TMEM62: variants seen among roughly 807,000 people sequenced by gnomAD.
TMEM62 encodes transmembrane protein 62.
Under a neutral mutation model 70.4 loss-of-function variants are expected in TMEM62, and 41 were observed. The observed-to-expected ratio is 0.58, with a 90% confidence interval of 0.45 to 0.76. TMEM62 has a LOEUF of 0.76. Among genes scored for constraint, TMEM62 ranks in the 30% least tolerant of loss-of-function variants. The pLI, the probability that TMEM62 is intolerant of heterozygous loss-of-function variation, is 0.00. For missense variants in TMEM62, 688 were observed against 788.5 expected (o/e 0.87, Z 1.53); for synonymous variants, 268 against 291.0 (o/e 0.92, Z 0.80).
At chr15:43,146,866 A>G (rs1567189626) in intron 5 of TMEM62, among the ~76,000 whole-genome samples, 1 of 152,188 alleles carries the variant, frequency 6.6e-6, no homozygotes, top group East Asian at 1.9e-4. Flanking sequence ...TGGAGTAAAC[A>G]TTTATTAAAT....
Position 43,184,635 on chromosome 15 carries a change from C to A in TMEM62, c.*49C>A. 1 of 1,552,590 alleles carries A rather than the reference C, an allele frequency of 6.4e-7. No homozygotes were observed. Among genetic ancestry groups the A allele is most frequent in the South Asian group, 1.1e-5 (1 of 87,814 alleles). On this transcript the variant is annotated 3_prime_UTR_variant, in exon 14 of 14. Coordinates refer to ENST00000260403, the MANE Select transcript of TMEM62 (RefSeq NM_024956.4). ...CTGGGCAGAAGCCCAGCCTCTGTGT[C>A]TGTAGCCCAGGCCTCTACCCCAGTA... is the stretch of plus-strand genomic sequence containing the variant.
intron 4 of TMEM62, among the ~76,000 whole-genome samples, chr15:43,144,211 T>C (rs2036408579): frequency 6.6e-6 from 1 of 152,130 alleles, no homozygotes; most frequent in South Asian, 2.1e-4. Flanking sequence ...AAAAGATAGG[T>C]ATGAAGAGAT....
intron 11 of TMEM62, 97 bp from the exon 12 acceptor site, chr15:43,178,510 T>C (rs994860765): frequency 1.4e-6 from 1 of 705,390 alleles, no homozygotes; most frequent in African/African-American, 1.8e-5. Flanking sequence ...ATTTGCTGAA[T>C]ATATGGTAGA....
intron 13 of TMEM62, 156 bp from the exon 14 acceptor site, chr15:43,184,104 C>A (rs1005848297): frequency 2.2e-5 from 14 of 646,958 alleles, no homozygotes; most frequent in Non-Finnish European, 3.5e-5. Context: ...CAACTAGCCA[C>A]AAGTCAGCTG....
chr15:43,139,038 A>C (rs188865734), intron 4 of TMEM62, among the ~76,000 whole-genome samples: 1 of 152,030 alleles, frequency 6.6e-6, no homozygotes, highest in East Asian at 1.9e-4. Flanking sequence ...CATTTTTTCA[A>C]ATTGAGAGTT....
At position 43,160,886 on chromosome 15, in the gene TMEM62, T is replaced by C. The variant is rs1200644036; in HGVS notation, c.1296+92T>C. The C allele has an allele frequency of 4.9e-6, 3 of 618,342 alleles. No individual in the cohort carries two copies. The African/African-American group carries it at 5.7e-5, about 12-fold the overall frequency. The allele number at this position is 618,342 out of a possible 1,614,324, so 38.3% of individuals were successfully genotyped here. A position where few individuals can be genotyped will look rare whatever the true frequency, so the allele number is the denominator to read the frequency against. ...CCCTTATCCATGATTTCACTTTCCA[T>C]GGTTTCAGTTACCGAAGGTCATCCA... On this transcript the variant is annotated intron_variant, in intron 10 of 13. Transcript: ENST00000260403.
intron 12 of TMEM62, chr15:43,180,668 T>C (rs781224240): frequency 6.6e-6 from 1 of 152,294 alleles, no homozygotes. Context: ...ACCGTGATTA[T>C]GTAGTTGATA....
At chr15:43,169,720 A>G (rs754828500) in intron 11 of TMEM62, 43 bp downstream of exon 11, 1 of 1,518,108 alleles carries the variant, frequency 6.6e-7, no homozygotes, top group East Asian at 2.3e-5. Flanking sequence ...TTGTTCATGG[A>G]AAAAACCAAA....
intron 11 of TMEM62, among the ~76,000 whole-genome samples, chr15:43,170,080 AC>A (rs1401938952): frequency 6.6e-6 from 1 of 152,246 alleles, no homozygotes; most frequent in African/African-American, 2.4e-5. Flanking sequence ...TAGGTCAGCC[AC>A]AATATACTGG....
intron 3 of TMEM62, among the ~76,000 whole-genome samples, chr15:43,136,720 G>C (rs2035272611): frequency 6.6e-6 from 1 of 151,804 alleles, no homozygotes; most frequent in African/African-American, 2.4e-5. Context: ...GCCTTCTAAA[G>C]TGGTGGGATT....
upstream of TMEM62, chr15:43,133,529 T>A (rs2034681809): frequency 3.1e-6 from 1 of 321,958 alleles, no homozygotes; most frequent in Non-Finnish European, 5.7e-6. Flanking sequence ...TCATTGGTGT[T>A]CAGAGTTTCG....
chr15:43,140,252 G>C (rs1044548946), intron 4 of TMEM62, among the ~76,000 whole-genome samples: 1 of 152,208 alleles, frequency 6.6e-6, no homozygotes, highest in Non-Finnish European at 1.5e-5. Context: ...GGCTGTAACT[G>C]TCTTCCTATT....
At chr15:43,169,816 G>A in intron 11 of TMEM62, 139 bp downstream of exon 11, 1 of 661,972 alleles carries the variant, frequency 1.5e-6, no homozygotes, top group Non-Finnish European at 2.5e-6. Flanking sequence ...GAAGCCTTGA[G>A]TAAATGGTCC....
rs752647496 is a variant in TMEM62 at position 43,134,269 on chromosome 15, C to G, written c.193C>G (p.His65Asp). Reference protein sequence around the residue: ...IFWGLQISDIHLSRFRDPGRA... With the variant: ...IFWGLQISDIDLSRFRDPGRA... ...CTGTTTTCGGCAGATATCCGACATT[C>G]ACCTGAGCAGGTTTCGAGATCCAGG... Residue 65 changes from histidine to aspartate, a missense_variant, in exon 2 of 14, where the codon CAC (histidine) becomes GAC (aspartate). Transcript: ENST00000260403. 5 of 1,614,028 alleles carry G rather than the reference C, an allele frequency of 3.1e-6. No individual in the cohort carries two copies. The highest frequency in any genetic ancestry group is 4.2e-6 in the Non-Finnish European group (5 of 1,179,994).
intron 11 of TMEM62, among the ~76,000 whole-genome samples, chr15:43,174,075 G>T (rs2040490253): frequency 6.6e-6 from 1 of 151,796 alleles, no homozygotes. Context: ...TGTTGGCCAG[G>T]CTGGTCTCAA....
In TMEM62 at chr15:43,133,929, A is replaced by T; in HGVS notation, c.127A>T (p.Arg43Trp). 1 of 1,488,354 alleles carries T rather than the reference A, an allele frequency of 6.7e-7. No homozygotes were observed. The highest frequency in any genetic ancestry group is 8.9e-7 in the Non-Finnish European group (1 of 1,127,186). 92.2% of individuals were successfully genotyped at this position (1,488,354 alleles called of 1,614,324 possible). A position where few individuals can be genotyped will look rare whatever the true frequency, so the allele number is the denominator to read the frequency against. Residue 43 changes from arginine (R) to tryptophan (W), a missense_variant, in exon 1 of 14, where the codon AGG becomes TGG. Physicochemically the swap from Arg to Trp is moderately radical, Grantham distance 101. Coordinates refer to ENST00000260403, the MANE Select transcript of TMEM62 (RefSeq NM_024956.4). ...SPLPRPAPPR[R>W]PHPAPGPGDS... is the part of the protein sequence containing the mutation. ...GCTGCCGCGCCCCGCGCCCCCCAGG[A>T]GGCCGCACCCTGCGCCAGGGCCCGG... is the stretch of plus-strand genomic sequence containing the variant.
intron 4 of TMEM62, 115 bp from the exon 5 acceptor site, chr15:43,146,378 T>C: frequency 1.0e-6 from 1 of 985,898 alleles, no homozygotes; most frequent in South Asian, 1.9e-5. Flanking sequence ...AGTATATTTC[T>C]GTCAGATCAG....
At chr15:43,174,640 G>C (rs572495716) in intron 11 of TMEM62, among the ~76,000 whole-genome samples, 3 of 152,250 alleles carry the variant, frequency 2.0e-5, no homozygotes, top group African/African-American at 7.2e-5. Flanking sequence ...TTAAAGATTA[G>C]AAAACAAAGG....
rs113489791 is a variant in TMEM62 at position 43,173,739 on chromosome 15, A to C, written c.1381+4062A>C. On this transcript the variant is annotated intron_variant, in intron 11 of 13. Coordinates refer to ENST00000260403, the MANE Select transcript of TMEM62 (RefSeq NM_024956.4). ...TGAGCTCTTGCTTATCTGAATCCCT[A>C]TAGTCCTTTCTCACAATTAATTCTA... 4.6e-5 allele frequency among the ~76,000 whole-genome samples: 7 copies of C among 152,042 alleles called. No homozygotes were observed. In the East Asian group the frequency reaches 1.4e-3, roughly 29 times the overall value.
Sources: allele counts gnomAD v4.1 joint callset (sites outside exome capture counted in the v4.1 genomes callset), GRCh38; gene constraint gnomAD v4.1.1; transcripts MANE v1.5; gene names NCBI Gene and HGNC (gene_info 2026-07-23, HGNC 2026-07-21).